Variants in PRKG1 observed in about 807,000 individuals in gnomAD.
PRKG1 encodes the protein cGMP-dependent protein kinase 1.
PRKG1 carries 35 observed loss-of-function variants against 88.1 expected under a neutral mutation model. The ratio of observed to expected loss-of-function variants is 0.40; its 90% confidence interval spans 0.30 to 0.53. PRKG1 has a LOEUF of 0.53. Among genes scored for constraint, PRKG1 ranks in the 20% least tolerant of loss-of-function variants. The pLI is 0.59. For synonymous variants in PRKG1, 303 were observed against 292.5 expected (o/e 1.04, Z -0.37); for missense variants, 540 against 839.8 (o/e 0.64, Z 4.41).
chr10:51,513,783 G>A (rs1285408416), intron 3 of PRKG1, among the ~76,000 whole-genome samples: 4 of 66,302 alleles, frequency 6.0e-5, no homozygotes, highest in African/African-American at 2.7e-4. Flanking sequence ...AAATAAAGAT[G>A]TTCTTTGAAA....
intron 9 of PRKG1, among the ~76,000 whole-genome samples, chr10:52,194,933 G>T (rs1368539278): frequency 3.3e-5 from 5 of 152,082 alleles, no homozygotes; most frequent in Non-Finnish European, 7.4e-5. Flanking sequence ...CCACCTGAGG[G>T]CTTCCCTTAC....
chr10:52,090,855 C>A (rs1366000656), intron 7 of PRKG1, among the ~76,000 whole-genome samples: 1 of 152,170 alleles, frequency 6.6e-6, no homozygotes, highest in Non-Finnish European at 1.5e-5. Context: ...TGCTGATGAT[C>A]AAACCAGTCC....
chr10:51,684,258 G>T (rs968219961), intron 3 of PRKG1, among the ~76,000 whole-genome samples: 1 of 152,152 alleles, frequency 6.6e-6, no homozygotes, highest in African/African-American at 2.4e-5. Flanking sequence ...TACGTTGTAT[G>T]ATTCACTTTT....
intron 3 of PRKG1, among the ~76,000 whole-genome samples, chr10:51,480,921 G>T (rs1840337337): frequency 6.6e-6 from 1 of 152,028 alleles, no homozygotes; most frequent in African/African-American, 2.4e-5. Flanking sequence ...ACTGGAGAAT[G>T]GGGGAGGTGG....
intron 1 of PRKG1, among the ~76,000 whole-genome samples, chr10:51,002,321 TCTC>T (rs1378732601): frequency 1.3e-5 from 2 of 152,194 alleles, no homozygotes. Flanking sequence ...GGTTGCTTGA[TCTC>T]CTTGATAATT....
At chr10:51,467,527 A>T (rs141263161) in intron 2 of PRKG1, among the ~76,000 whole-genome samples, 196 bp from the exon 3 acceptor site, 3 of 152,106 alleles carry the variant, frequency 2.0e-5, no homozygotes, top group South Asian at 2.1e-4. Context: ...TCTTTTCAGT[A>T]GTAAATTTAA....
intron 9 of PRKG1, among the ~76,000 whole-genome samples, chr10:52,190,384 G>T (rs1404208163): frequency 3.9e-5 from 6 of 152,076 alleles, no homozygotes; most frequent in Non-Finnish European, 8.8e-5. Context: ...AAAGCATTTT[G>T]TTAAAGGTTA....
At chr10:51,823,478 T>C (rs1261815654) in intron 4 of PRKG1, among the ~76,000 whole-genome samples, 2 of 151,920 alleles carry the variant, frequency 1.3e-5, no homozygotes, top group African/African-American at 2.4e-5. Context: ...ACCACGGGGC[T>C]TCCAAGTTTT....
intron 1 of PRKG1, among the ~76,000 whole-genome samples, chr10:51,002,141 G>A (rs1178251742): frequency 6.6e-6 from 1 of 151,290 alleles, no homozygotes; most frequent in Non-Finnish European, 1.5e-5. Flanking sequence ...ATTTGGCTGA[G>A]AGGAGAAAAC....
intron 9 of PRKG1, among the ~76,000 whole-genome samples, chr10:52,166,819 G>GTATATATATATGTATATATGTA (rs370403466): frequency 2.7e-4 from 15 of 55,312 alleles, no homozygotes; most frequent in African/African-American, 8.2e-4. Flanking sequence ...GTATATATAT[G>GTATATATATATGTATATATGTA]TATATATATG....
chr10:51,533,225 T>C (rs1443295831), intron 3 of PRKG1, among the ~76,000 whole-genome samples: 1 of 152,254 alleles, frequency 6.6e-6, no homozygotes, highest in Non-Finnish European at 1.5e-5. Flanking sequence ...TTATCAAATA[T>C]GGATTTTTCC....
chr10:51,479,222 C>T (rs1017398525), intron 3 of PRKG1, among the ~76,000 whole-genome samples: 1 of 151,654 alleles, frequency 6.6e-6, no homozygotes, highest in African/African-American at 2.4e-5. Flanking sequence ...ATTTGAATGC[C>T]TTTTAAAATT....
intron 2 of PRKG1, among the ~76,000 whole-genome samples, chr10:51,237,106 C>A (rs1333829904): frequency 6.6e-6 from 1 of 152,240 alleles, no homozygotes; most frequent in African/African-American, 2.4e-5. Flanking sequence ...CATACACTTT[C>A]TAACTCTAGG....
At chr10:51,933,181 C>T (rs1842731143) in intron 5 of PRKG1, among the ~76,000 whole-genome samples, 1 of 152,114 alleles carries the variant, frequency 6.6e-6, no homozygotes, top group Non-Finnish European at 1.5e-5. Flanking sequence ...TCAGACTTTA[C>T]TAAAGGGGCC....
At chr10:52,120,527 G>A (rs557278184) in intron 7 of PRKG1, among the ~76,000 whole-genome samples, 2 of 152,274 alleles carry the variant, frequency 1.3e-5, no homozygotes, top group East Asian at 1.9e-4. Flanking sequence ...AAATACAATG[G>A]TGGGGCAGGC....
At chr10:52,124,718 C>T (rs957832847) in intron 7 of PRKG1, among the ~76,000 whole-genome samples, 2 of 152,072 alleles carry the variant, frequency 1.3e-5, no homozygotes, top group South Asian at 4.1e-4. Flanking sequence ...TTCTAAAATA[C>T]AAACAATTCA....
intron 2 of PRKG1, among the ~76,000 whole-genome samples, chr10:51,266,196 C>A (rs2132167728): frequency 6.6e-6 from 1 of 152,236 alleles, no homozygotes; most frequent in South Asian, 2.1e-4. Context: ...CCTTGTCTGT[C>A]TTGCTCAGGA....
At chr10:51,746,718 G>A (rs541527273) in intron 3 of PRKG1, among the ~76,000 whole-genome samples, 1 of 147,980 alleles carries the variant, frequency 6.8e-6, no homozygotes, top group South Asian at 2.1e-4. Context: ...GTAAGACCCT[G>A]TCTCAAAAAA....
intron 2 of PRKG1, among the ~76,000 whole-genome samples, chr10:51,191,239 A>G (rs933880585): frequency 6.6e-6 from 1 of 151,878 alleles, no homozygotes; most frequent in Admixed American, 6.6e-5. Flanking sequence ...AACCAGAACC[A>G]CATTGGGTAT....
Sources: gnomAD v4.1 joint callset for allele counts (sites outside exome capture counted in the v4.1 genomes callset) on GRCh38, gnomAD v4.1.1 for gene constraint, MANE v1.5 for transcripts, NCBI Gene and HGNC (gene_info 2026-07-23, HGNC 2026-07-21) for gene names.